Variants in SNX18 observed in about 807,000 individuals in gnomAD.
The protein encoded by SNX18 is sorting nexin-18.
Under a neutral mutation model 48.7 loss-of-function variants are expected in SNX18, and 35 were observed. That is an observed-to-expected ratio of 0.72 (90% confidence interval 0.55 to 0.95). SNX18 has a LOEUF of 0.95. Among genes scored for constraint, SNX18 ranks in the 40% least tolerant of loss-of-function variants. The pLI, the probability that SNX18 is intolerant of heterozygous loss-of-function variation, is 0.00. For missense variants in SNX18, 824 were observed against 871.0 expected (o/e 0.95, Z 0.68); for synonymous variants, 492 against 384.7 (o/e 1.28, Z -3.26).
the SNX18 span, among the ~76,000 whole-genome samples, chr5:54,647,236 G>A: frequency 1.1e-4 from 16 of 152,146 alleles, no homozygotes; most frequent in Non-Finnish European, 2.2e-4. Flanking sequence ...GTACTATGCC[G>A]AGTGCAACAG....
At chr5:54,541,846 T>C (rs1472493934) in intron 1 of SNX18, among the ~76,000 whole-genome samples, 1 of 152,236 alleles carries the variant, frequency 6.6e-6, no homozygotes, top group African/African-American at 2.4e-5. Context: ...GGGTTTTGTT[T>C]AATATTATAT....
At chr5:54,590,479 C>A in the SNX18 span, among the ~76,000 whole-genome samples, 1 of 152,128 alleles carries the variant, frequency 6.6e-6, no homozygotes, top group South Asian at 2.1e-4. Flanking sequence ...AGGCCTGTCT[C>A]CCTAAGCCAG....
chr5:54,631,380 C>T, the SNX18 span, among the ~76,000 whole-genome samples: 1 of 152,184 alleles, frequency 6.6e-6, no homozygotes, highest in African/African-American at 2.4e-5. Context: ...TTAAACAAGG[C>T]TATTGTTTCA....
chr5:54,622,391 T>G, the SNX18 span, among the ~76,000 whole-genome samples: 1 of 151,758 alleles, frequency 6.6e-6, no homozygotes. Flanking sequence ...CCCAGCTACT[T>G]GGGAGATTGA....
At chr5:54,629,766 T>C in the SNX18 span, among the ~76,000 whole-genome samples, 12 of 152,248 alleles carry the variant, frequency 7.9e-5, no homozygotes, top group African/African-American at 2.9e-4. Flanking sequence ...TGGCTTTCTC[T>C]GGAAGAGTTT....
intron 1 of SNX18, among the ~76,000 whole-genome samples, chr5:54,522,799 C>T (rs1236125722): frequency 6.6e-6 from 1 of 152,130 alleles, no homozygotes; most frequent in Admixed American, 6.5e-5. Flanking sequence ...CTGAAATTTT[C>T]CTGACTATAC....
chr5:54,623,726 G>A, the SNX18 span, among the ~76,000 whole-genome samples: 1 of 152,150 alleles, frequency 6.6e-6, no homozygotes, highest in African/African-American at 2.4e-5. Flanking sequence ...GGGTGCATGG[G>A]TTGGAGCTAG....
chr5:54,636,971 C>T, the SNX18 span, among the ~76,000 whole-genome samples: 1 of 152,250 alleles, frequency 6.6e-6, no homozygotes, highest in East Asian at 1.9e-4. Flanking sequence ...GTGAGGACTT[C>T]ATCAAATATG....
Position 54,517,846 on chromosome 5 carries a change from C to T in SNX18, c.-107C>T, listed in dbSNP as rs1401266284. ...CCGGGCAGCGTGGGTTTGCCGCCTT[C>T]GGGGCTCCAGTCCGCGCGCCAGGGC... On this transcript the variant is annotated 5_prime_UTR_variant, in exon 1 of 2. Transcript: ENST00000381410. 3 of 1,231,688 alleles carry T rather than the reference C, an allele frequency of 2.4e-6. No individual in the cohort carries two copies. The highest frequency in any genetic ancestry group is 3.2e-5 in the African/African-American group (2 of 62,868). 76.3% of individuals were successfully genotyped at this position (1,231,688 alleles called of 1,614,324 possible).
chr5:54,518,837 C>T lies in SNX18; in HGVS notation c.885C>T (p.Tyr295=), dbSNP rs1561111323. 2 of 1,610,312 alleles carry T rather than the reference C, an allele frequency of 1.2e-6. No homozygotes were observed. Among genetic ancestry groups the T allele is most frequent in the African/African-American group, 2.7e-5 (2 of 74,972 alleles). ...KQTKFKGMKS[Y]ISYKLVPTHT... is the part of the protein sequence containing the mutation. Reference sequence around the variant, plus strand: ...CCAAGTTCAAGGGCATGAAGAGCTACATCTCCTACAAGCTGGTGCCCACGC... The same window carrying T: ...CCAAGTTCAAGGGCATGAAGAGCTATATCTCCTACAAGCTGGTGCCCACGC... Residue 295 remains tyrosine (Y), a synonymous_variant, in exon 1 of 2, where the codon TAC becomes TAT. Coordinates refer to ENST00000381410, the MANE Select transcript of SNX18 (RefSeq NM_001102575.2).
At chr5:54,586,625 C>A in the SNX18 span, among the ~76,000 whole-genome samples, 3 of 152,204 alleles carry the variant, frequency 2.0e-5, no homozygotes, top group Non-Finnish European at 2.9e-5. Flanking sequence ...TGATAACTAA[C>A]CCATTAATAA....
At chr5:54,552,090 G>T in the SNX18 span, among the ~76,000 whole-genome samples, 10 of 152,226 alleles carry the variant, frequency 6.6e-5, no homozygotes, top group African/African-American at 1.9e-4. Context: ...TGCTGGCTTT[G>T]TTCCGCTGTG....
chr5:54,601,267 C>T, the SNX18 span, among the ~76,000 whole-genome samples: 1 of 152,152 alleles, frequency 6.6e-6, no homozygotes, highest in African/African-American at 2.4e-5. Context: ...AGTTGTTAAA[C>T]ATTCACTAGC....
downstream of SNX18, among the ~76,000 whole-genome samples, chr5:54,546,919 G>A (rs1445676551): frequency 1.3e-5 from 2 of 152,226 alleles, no homozygotes; most frequent in African/African-American, 4.8e-5. Context: ...CATACTGTCT[G>A]TTGGTTGCCA....
At chr5:54,642,191 C>G in the SNX18 span, among the ~76,000 whole-genome samples, 1 of 152,286 alleles carries the variant, frequency 6.6e-6, no homozygotes, top group East Asian at 1.9e-4. Context: ...TTGGTCGGGT[C>G]ACAATGCTCC....
chr5:54,638,778 T>C, the SNX18 span, among the ~76,000 whole-genome samples: 21,451 of 152,004 alleles, frequency 0.14, 1,816 homozygotes, highest in East Asian at 0.3. Context: ...ATAGAGAGAG[T>C]TGAGCCACCC....
At chr5:54,585,229 C>T in the SNX18 span, among the ~76,000 whole-genome samples, 1 of 150,758 alleles carries the variant, frequency 6.6e-6, no homozygotes, top group Non-Finnish European at 1.5e-5. Flanking sequence ...GAGTTCAAGG[C>T]TGCAGTGAGT....
chr5:54,577,780 A>G, the SNX18 span, among the ~76,000 whole-genome samples: 1 of 152,238 alleles, frequency 6.6e-6, no homozygotes, highest in Admixed American at 6.5e-5. Context: ...GAAAGCCACC[A>G]GAGTTCCTCA....
the SNX18 span, among the ~76,000 whole-genome samples, chr5:54,618,401 G>C: frequency 4.6e-5 from 7 of 152,152 alleles, no homozygotes; most frequent in African/African-American, 1.7e-4. Context: ...GTTTCACAAA[G>C]GTAGAAATAA....
Sources: allele counts gnomAD v4.1 joint callset (sites outside exome capture counted in the v4.1 genomes callset), GRCh38; gene constraint gnomAD v4.1.1; transcripts MANE v1.5; gene names NCBI Gene and HGNC (gene_info 2026-07-23, HGNC 2026-07-21).